CDC42BPA: variants seen among roughly 807,000 people sequenced by gnomAD.
CDC42BPA encodes serine/threonine-protein kinase MRCK alpha.
Under a neutral mutation model 223.5 loss-of-function variants are expected in CDC42BPA, and 80 were observed. That is an observed-to-expected ratio of 0.36 (90% CI 0.30 to 0.43). The LOEUF (loss-of-function observed/expected upper bound fraction) is 0.43, where lower values mean the gene tolerates loss of function less well. Ranked by LOEUF, CDC42BPA falls within the 20% of genes least tolerant of loss-of-function variation. The probability of loss-of-function intolerance (pLI) is 1.00; values close to 1 mark genes in which losing one functional copy is unlikely to be tolerated. For missense variants in CDC42BPA, 1,743 were observed against 2,099.9 expected, an observed-to-expected ratio of 0.83 and a Z score of 3.32; for synonymous variants, 694 against 718.6, an observed-to-expected ratio of 0.97 and a Z score of 0.55.
At chr1:227,059,257 C>A in intron 21 of CDC42BPA, 1 of 812,328 alleles carries the variant, frequency 1.2e-6, no homozygotes, top group Non-Finnish European at 2.1e-6. Context: ...ACAAAGCATG[C>A]AATAGATGTA....
At position 227,317,342 on chromosome 1, in the gene CDC42BPA, G is replaced by C. The variant is rs930040428; in HGVS notation, c.-160C>G. On this transcript the variant is annotated 5_prime_UTR_variant, in exon 1 of 37. Coordinates refer to ENST00000366766, the MANE Select transcript of CDC42BPA (RefSeq NM_001394014.1). ...GCTGAATTAAACATCCAACACACCA[G>C]TAACCTCACTTAACTGAAGCGTCTT... 1.5e-6 allele frequency: 1 copy of C among 648,946 alleles called. No individual in the cohort carries two copies. Among genetic ancestry groups the C allele is most frequent in the Non-Finnish European group, 2.5e-6 (1 of 396,092 alleles). 40.2% of individuals were successfully genotyped at this position (648,946 alleles called of 1,614,324 possible). A position where few individuals can be genotyped will look rare whatever the true frequency, so the allele number is the denominator to read the frequency against.
At chr1:227,056,353 C>T (rs897268046) in intron 21 of CDC42BPA, among the ~76,000 whole-genome samples, 1 of 151,664 alleles carries the variant, frequency 6.6e-6, no homozygotes, top group East Asian at 1.9e-4. Flanking sequence ...TAAACATAAA[C>T]TGTAAGTTAA....
At chr1:227,051,624 TGTTCTACATG>T (rs1288265957) in intron 22 of CDC42BPA, among the ~76,000 whole-genome samples, 5 of 152,214 alleles carry the variant, frequency 3.3e-5, no homozygotes, top group Non-Finnish European at 5.9e-5. Context: ...ATTAATCTTC[TGTTCTACATG>T]GTTCTCTAAT....
intron 31 of CDC42BPA, among the ~76,000 whole-genome samples, chr1:227,025,515 T>C (rs1025491961): frequency 2.0e-5 from 3 of 152,174 alleles, no homozygotes; most frequent in African/African-American, 7.2e-5. Flanking sequence ...TTTTGCAAAC[T>C]AGCAGTTCTA....
rs970689610 is a variant in CDC42BPA at position 226,998,362 on chromosome 1, G to C, written c.4976-3382C>G. ...GACAATCCTAAGCAAAAAGAACAAA[G>C]CTGGAGGCATGATACTACCTGATTT... On this transcript the variant is annotated intron_variant, in intron 35 of 36. Coordinates refer to ENST00000366766, the MANE Select transcript of CDC42BPA (RefSeq NM_001394014.1). 2.0e-5 allele frequency among the ~76,000 whole-genome samples: 3 copies of C among 152,256 alleles called. No homozygotes were observed. In the Middle Eastern group the frequency reaches 0.01, roughly 518 times the overall value.
intron 5 of CDC42BPA, among the ~76,000 whole-genome samples, chr1:227,167,395 C>A (rs188680202): frequency 1.6e-4 from 25 of 152,238 alleles, no homozygotes; most frequent in African/African-American, 5.5e-4. Context: ...ACTGCCAAAT[C>A]CAGTAGCATC....
Position 227,126,141 on chromosome 1 carries a change from G to A in CDC42BPA, c.1513+2968C>T, listed in dbSNP as rs115018649. On this transcript the variant is annotated intron_variant, in intron 11 of 36. Transcript: ENST00000366766. The stretch of plus-strand genomic sequence containing the variant: ...AAGCACTGGCTTACAAACTTAAAGT[G>A]ACCTACACCCTATTCCCTAATATAT... Among the ~76,000 whole-genome samples, 1,183 of 152,128 alleles carry A rather than the reference G, an allele frequency of 7.8e-3. 5 individuals are homozygous for A. Among genetic ancestry groups the A allele is most frequent in the Admixed American group, 0.013 (202 of 15,268 alleles).
intron 2 of CDC42BPA, among the ~76,000 whole-genome samples, chr1:227,252,387 A>C (rs544322619): frequency 1.3e-5 from 2 of 152,206 alleles, no homozygotes; most frequent in African/African-American, 2.4e-5. Context: ...TAAAGAAATT[A>C]AACATTATTT....
intron 16 of CDC42BPA, among the ~76,000 whole-genome samples, chr1:227,089,630 T>TTTA (rs1467315441): frequency 1.2e-5 from 1 of 83,784 alleles, no homozygotes; most frequent in East Asian, 3.7e-4. Flanking sequence ...TAATTCCGTT[T>TTTA]TTTTTTTTTT....
chr1:227,039,144 T>A lies in CDC42BPA; in HGVS notation c.3199+987A>T, dbSNP rs139411009. Among the ~76,000 whole-genome samples the A allele has an allele frequency of 2.2e-3, 342 of 152,216 alleles. 1 individual carries two copies. The highest frequency in any genetic ancestry group is 8.0e-3 in the African/African-American group (331 of 41,546). ...AGTCCTGATTTGGTTCCTTCTGACT[T>A]TTTTGTTTCTGAATTTCAAAAAGTC... On this transcript the variant is annotated intron_variant, in intron 24 of 36. Coordinates refer to ENST00000366766, the MANE Select transcript of CDC42BPA (RefSeq NM_001394014.1).
rs186205215 is a variant in CDC42BPA, at chr1:227,129,332, T to C, written c.1391-101A>G. 68 of 905,276 alleles carry C rather than the reference T, an allele frequency of 7.5e-5. No homozygotes were observed. The Admixed American group carries it at 1.3e-3, about 17-fold the overall frequency. 56.1% of individuals were successfully genotyped at this position (905,276 alleles called of 1,614,324 possible). A position where few individuals can be genotyped will look rare whatever the true frequency, so the allele number is the denominator to read the frequency against. ...GGAGAGAAATTCTTATACAATTTTA[T>C]AGAACAAAACATCTACTCACTGACA... On this transcript the variant is annotated intron_variant, in intron 10 of 36. Coordinates refer to ENST00000366766, the MANE Select transcript of CDC42BPA (RefSeq NM_001394014.1).
chr1:227,125,909 A>C (rs894018351), intron 11 of CDC42BPA, among the ~76,000 whole-genome samples: 4 of 152,142 alleles, frequency 2.6e-5, no homozygotes, highest in African/African-American at 9.7e-5. Flanking sequence ...AATTTATAAT[A>C]AATGTATAAT....
intron 13 of CDC42BPA, 40 bp from the exon 14 acceptor site, chr1:227,112,462 A>AT: frequency 2.8e-6 from 4 of 1,430,906 alleles, no homozygotes; most frequent in Admixed American, 2.2e-5. Context: ...CACGGTTATA[A>AT]TTTTTTTCCA....
At chr1:227,076,504 G>A (rs949246217) in intron 17 of CDC42BPA, among the ~76,000 whole-genome samples, 1 of 152,002 alleles carries the variant, frequency 6.6e-6, no homozygotes, top group Non-Finnish European at 1.5e-5. Flanking sequence ...TGATCCACCC[G>A]CCTCAGCCTC....
intron 5 of CDC42BPA, among the ~76,000 whole-genome samples, chr1:227,182,677 C>G (rs544232995): frequency 6.6e-6 from 1 of 152,188 alleles, no homozygotes; most frequent in African/African-American, 2.4e-5. Context: ...GTCAGTGTGA[C>G]TGGATTGAAG....
Position 226,994,488 on chromosome 1 carries a change from C to T in CDC42BPA, c.5134-89G>A. The T allele has an allele frequency of 7.1e-7, 1 of 1,410,572 alleles. No individual in the cohort carries two copies. The highest frequency in any genetic ancestry group is 9.4e-7 in the Non-Finnish European group (1 of 1,067,906). The allele number at this position is 1,410,572 out of a possible 1,614,324, so 87.4% of individuals were successfully genotyped here. On this transcript the variant is annotated intron_variant, in intron 36 of 36. Transcript: ENST00000366766. The surrounding 1 kb of genome is among the most constrained non-coding windows in gnomAD (Gnocchi z 4.0). Reference sequence around the variant, plus strand: ...AGATTACCACCGCCCCCTCCAGCCACCCTGACCAAATAACCCCATGGGGCG... The same window carrying T: ...AGATTACCACCGCCCCCTCCAGCCATCCTGACCAAATAACCCCATGGGGCG...
At chr1:227,198,212 G>A (rs546939724) in intron 4 of CDC42BPA, among the ~76,000 whole-genome samples, 2 of 151,826 alleles carry the variant, frequency 1.3e-5, no homozygotes, top group South Asian at 2.1e-4. Flanking sequence ...ACACCTTAGG[G>A]GGTCAAGCTG....
At chr1:227,273,079 G>A (rs1267610378) in intron 1 of CDC42BPA, among the ~76,000 whole-genome samples, 1 of 151,960 alleles carries the variant, frequency 6.6e-6, no homozygotes, top group Admixed American at 6.5e-5. Context: ...GATCACCTAA[G>A]GTGAGATCAG....
chr1:227,245,686 A>G (rs1382080702), intron 2 of CDC42BPA, among the ~76,000 whole-genome samples: 2 of 152,110 alleles, frequency 1.3e-5, no homozygotes, highest in Non-Finnish European at 1.5e-5. Context: ...CTAGCTCCCC[A>G]ATGATATTTC....
Sources: allele counts gnomAD v4.1 joint callset (sites outside exome capture counted in the v4.1 genomes callset), GRCh38; gene constraint gnomAD v4.1.1; non-coding constraint Gnocchi (gnomAD v3.1); transcripts MANE v1.5; gene names NCBI Gene and HGNC (gene_info 2026-07-23, HGNC 2026-07-21).